SARAF: variants seen among roughly 807,000 people sequenced by gnomAD.
SARAF encodes store-operated calcium entry associated regulatory factor, also known as store-operated calcium entry-associated regulatory factor.
Under a neutral mutation model 39.7 loss-of-function variants are expected in SARAF, and 23 were observed. The ratio of observed to expected loss-of-function variants is 0.58; its 90% CI spans 0.42 to 0.82. SARAF has a LOEUF of 0.82. SARAF is among the 40% of genes least tolerant of loss of function. The pLI, the probability that SARAF is intolerant of heterozygous loss-of-function variation, is 0.00. For missense variants in SARAF, 384 were observed against 418.5 expected (o/e 0.92, Z 0.72); for synonymous variants, 175 against 168.5 (o/e 1.04, Z -0.30).
chr8:30,076,819 C>A (rs1458969179), intron 1 of SARAF, among the ~76,000 whole-genome samples: 3 of 152,166 alleles, frequency 2.0e-5, no homozygotes, highest in Non-Finnish European at 4.4e-5. Context: ...AGGCCCTCAC[C>A]AGATGCTAGC....
At chr8:30,076,332 C>T (rs1801965852) in intron 1 of SARAF, among the ~76,000 whole-genome samples, 2 of 152,210 alleles carry the variant, frequency 1.3e-5, no homozygotes, top group Admixed American at 6.5e-5. Context: ...TAACAGCCAT[C>T]CCCTTGTCCT....
chr8:30,075,949 G>C (rs1227970288), intron 1 of SARAF, among the ~76,000 whole-genome samples: 4 of 112,588 alleles, frequency 3.6e-5, no homozygotes, highest in Non-Finnish European at 5.1e-5. Context: ...GGGGGAAACT[G>C]AGAATCAACC....
chr8:30,064,566 T>A (rs1801638972), intron 5 of SARAF, among the ~76,000 whole-genome samples: 1 of 102,546 alleles, frequency 9.8e-6, no homozygotes, highest in African/African-American at 3.9e-5. Context: ...TATATATTTT[T>A]TTTTTTTTTT....
intron 1 of SARAF, among the ~76,000 whole-genome samples, chr8:30,075,121 C>T (rs896917327): frequency 7.2e-5 from 11 of 151,810 alleles, no homozygotes; most frequent in Non-Finnish European, 1.0e-4. Flanking sequence ...GCCAACACGG[C>T]GAAACCCCAT....
intron 3 of SARAF, among the ~76,000 whole-genome samples, 195 bp downstream of exon 3, chr8:30,069,447 C>A (rs1347854305): frequency 1.3e-5 from 2 of 151,922 alleles, no homozygotes; most frequent in Non-Finnish European, 2.9e-5. Flanking sequence ...GCCAATCAGG[C>A]ATTAACATAG....
At chr8:30,075,010 A>T (rs1385920895) in intron 1 of SARAF, among the ~76,000 whole-genome samples, 1 of 152,216 alleles carries the variant, frequency 6.6e-6, no homozygotes, top group Non-Finnish European at 1.5e-5. Flanking sequence ...TGCAAAAATG[A>T]AATTTTTAGG....
In SARAF at chr8:30,070,054, T is replaced by G; in HGVS notation, c.288A>C (p.Glu96Asp). Reference sequence around the variant, plus strand: ...ATGCAATATCTAAGTCCGTCTTACATTCCCACTGTGAAGAAAAATAGAAAC... The same window carrying G: ...ATGCAATATCTAAGTCCGTCTTACAGTCCCACTGTGAAGAAAAATAGAAAC... ...KGWDGYDVQW[E>D]CKTDLDIAYK... The change falls in exon 3 of 6, where the codon GAA becomes GAC. Residue 96 changes from glutamate to aspartate, a missense_variant. Physicochemically the swap from Glu to Asp is conservative, Grantham distance 45. Coordinates refer to ENST00000256255, the MANE Select transcript of SARAF (RefSeq NM_016127.6). The G allele has an allele frequency of 1.3e-6, 2 of 1,592,554 alleles. No homozygotes were observed. Among genetic ancestry groups the G allele is most frequent in the Non-Finnish European group, 1.7e-6 (2 of 1,173,026 alleles).
At chr8:30,064,068 G>C (rs1801616507) in intron 5 of SARAF, among the ~76,000 whole-genome samples, 155 bp from the exon 6 acceptor site, 1 of 151,422 alleles carries the variant, frequency 6.6e-6, no homozygotes, top group African/African-American at 2.4e-5. Context: ...AAGCAGGACA[G>C]TGCATCGCCT....
rs756132063 is a variant in SARAF, at chr8:30,066,867, G to A, written c.752C>T (p.Thr251Ile). The change falls in exon 4 of 6, where the codon ACA (threonine) becomes ATA (isoleucine). Residue 251 changes from threonine (T) to isoleucine (I), a missense_variant. By Grantham distance (89) the Thr-to-Ile change is moderately conservative (BLOSUM62 -1). Coordinates refer to ENST00000256255, the MANE Select transcript of SARAF (RefSeq NM_016127.6). ...GATSGFGSAF[T>I]GQQGYENSGP... ...TGAATTTTCATATCCTTGTTGTCCT[G>A]TAAAAGCACTGCCAAAACCAGAAGT... 5.6e-6 allele frequency: 9 copies of A among 1,613,994 alleles called. No homozygotes were observed. The highest frequency in any genetic ancestry group is 1.3e-5 in the African/African-American group (1 of 74,890).
intron 3 of SARAF, among the ~76,000 whole-genome samples, chr8:30,069,429 C>G (rs532534820): frequency 6.6e-6 from 1 of 152,026 alleles, no homozygotes. Context: ...CGTGAGCCAC[C>G]GCGCCCGGCC....
At chr8:30,081,987 G>T (rs1802111343) in intron 1 of SARAF, among the ~76,000 whole-genome samples, 1 of 152,094 alleles carries the variant, frequency 6.6e-6, no homozygotes, top group African/African-American at 2.4e-5. Context: ...TACGGTGAAA[G>T]CCAATGGGAA....
chr8:30,082,905 G>A lies in SARAF; in HGVS notation c.45C>T (p.Leu15=), dbSNP rs1386307536. 25 of 1,561,758 alleles carry A rather than the reference G, an allele frequency of 1.6e-5. No individual in the cohort carries two copies. Among genetic ancestry groups the A allele is most frequent in the East Asian group, 2.4e-5 (1 of 41,834 alleles). Residue 15 remains leucine, a synonymous_variant, in exon 1 of 6, where the codon CTC becomes CTT. Transcript: ENST00000256255. ...TCAGCAGAAACAAATGCAAGCCGAG[G>A]AGCAAGCAGTACCCGGCCGCTCCCG... The part of the protein sequence containing the change: ...CGPGAAGYCL[L]LGLHLFLLTA...
At chr8:30,078,326 G>A (rs949175565) in intron 1 of SARAF, 1 of 427,510 alleles carries the variant, frequency 2.3e-6, no homozygotes, top group South Asian at 1.7e-5. Flanking sequence ...TTCCCACACT[G>A]AAGGACTTGA....
At chr8:30,083,157 G>A (rs956948035), upstream of SARAF, 8 of 478,760 alleles carry the variant, frequency 1.7e-5, no homozygotes, top group African/African-American at 1.4e-4. Context: ...TGGCCGCCGT[G>A]GGCCCCCGCC....
rs75227613 is a variant in SARAF, at chr8:30,074,007, C to A, written c.152G>T (p.Arg51Leu). The A allele has an allele frequency of 3.1e-6, 5 of 1,613,982 alleles. No individual in the cohort carries two copies. The African/African-American group carries it at 4.0e-5, about 13-fold the overall frequency. Residue 51 changes from arginine (R) to leucine (L), a missense_variant, in exon 2 of 6, where the codon CGC (arginine) becomes CTC (leucine). Arg to Leu is a moderately radical substitution (Grantham distance 102). Coordinates refer to ENST00000256255, the MANE Select transcript of SARAF (RefSeq NM_016127.6). ...DVKALTLHYD[R>L]YTTSRRLDPI... ...ATCCAGCCTGCGGGAGGTGGTATAGCGGTCATAGTGGAGGGTAAGAGCTTT... is the reference window on the plus strand; with the variant it reads ...ATCCAGCCTGCGGGAGGTGGTATAGAGGTCATAGTGGAGGGTAAGAGCTTT...
intron 2 of SARAF, among the ~76,000 whole-genome samples, chr8:30,073,059 T>G (rs879461797): frequency 1.3e-5 from 2 of 152,204 alleles, no homozygotes; most frequent in African/African-American, 2.4e-5. Flanking sequence ...ATTCTATGAT[T>G]CAACTTAGCA....
chr8:30,064,011 T>C, intron 5 of SARAF, 98 bp from the exon 6 acceptor site: 1 of 1,088,074 alleles, frequency 9.2e-7, no homozygotes, highest in South Asian at 1.4e-5. Context: ...AGCAAATGAA[T>C]GAGATAGGAG....
At chr8:30,075,292 C>T (rs1168478752) in intron 1 of SARAF, among the ~76,000 whole-genome samples, 2 of 85,110 alleles carry the variant, frequency 2.3e-5, no homozygotes, top group Non-Finnish European at 4.7e-5. Context: ...AAGAATGAAA[C>T]TCCATCTCAA....
intron 5 of SARAF, among the ~76,000 whole-genome samples, chr8:30,064,479 C>A (rs1273567508): frequency 2.7e-4 from 40 of 147,810 alleles, no homozygotes; most frequent in Middle Eastern, 3.5e-3. Flanking sequence ...TGATTTTATG[C>A]AAGTCTTCTT....
Sources: gnomAD v4.1 joint callset for allele counts (sites outside exome capture counted in the v4.1 genomes callset) on GRCh38, gnomAD v4.1.1 for gene constraint, MANE v1.5 for transcripts, NCBI Gene and HGNC (gene_info 2026-07-23, HGNC 2026-07-21) for gene names.